Variants in MYO18B observed in about 807,000 individuals in gnomAD.
The protein encoded by MYO18B is myosin XVIIIB.
MYO18B carries 204 observed loss-of-function variants against 273.0 expected under a neutral mutation model. The observed-to-expected ratio is 0.75, with a 90% CI of 0.67 to 0.84. The LOEUF (loss-of-function observed/expected upper bound fraction) is 0.84, where lower values mean the gene tolerates loss of function less well. Ranked by LOEUF, MYO18B falls within the 40% of genes least tolerant of loss-of-function variation. The pLI is 0.00. For synonymous variants in MYO18B, 1,330 were observed against 1,305.7 expected, an observed-to-expected ratio of 1.02 and a Z score of -0.40; for missense variants, 3,212 against 3,287.6, an observed-to-expected ratio of 0.98 and a Z score of 0.56.
At chr22:25,954,140 C>T (rs2146640630) in intron 38 of MYO18B, among the ~76,000 whole-genome samples, 1 of 152,266 alleles carries the variant, frequency 6.6e-6, no homozygotes, top group South Asian at 2.1e-4. Context: ...TGGTTCCCGG[C>T]TTGTTGGCCA....
chr22:25,797,898 T>C, intron 11 of MYO18B, 55 bp from the exon 12 acceptor site: 2 of 1,612,606 alleles, frequency 1.2e-6, no homozygotes, highest in South Asian at 2.2e-5. Flanking sequence ...GTTGTGAGCT[T>C]GTGTTTTCTC....
downstream of MYO18B, among the ~76,000 whole-genome samples, chr22:26,032,634 G>C (rs1601881260): frequency 6.8e-6 from 1 of 146,870 alleles, no homozygotes; most frequent in South Asian, 2.2e-4. Context: ...CAATTCTCTT[G>C]CCTCAGCCTC....
At chr22:25,831,212 C>T (rs8137490) in intron 15 of MYO18B, among the ~76,000 whole-genome samples, 2,527 of 152,282 alleles carry the variant, frequency 0.017, 67 homozygotes, top group East Asian at 0.11. Flanking sequence ...ACATTATTCA[C>T]ATAACCTCCC....
intron 13 of MYO18B, among the ~76,000 whole-genome samples, chr22:25,824,899 A>T (rs1268958455): frequency 6.6e-6 from 1 of 152,082 alleles, no homozygotes; most frequent in Non-Finnish European, 1.5e-5. Context: ...GTATGCACAC[A>T]TGTGCACAGA....
At chr22:25,752,893 G>A (rs2085978135) in intron 1 of MYO18B, among the ~76,000 whole-genome samples, 1 of 152,182 alleles carries the variant, frequency 6.6e-6, no homozygotes, top group Non-Finnish European at 1.5e-5. Flanking sequence ...CTCCGTACTC[G>A]GAGCGGCCGG....
the MYO18B span, among the ~76,000 whole-genome samples, chr22:26,036,599 A>G: frequency 6.6e-6 from 1 of 152,190 alleles, no homozygotes; most frequent in African/African-American, 2.4e-5. Flanking sequence ...ATTCACTGGA[A>G]TGGCTTATTT....
intron 11 of MYO18B, among the ~76,000 whole-genome samples, chr22:25,787,893 G>C (rs1302123574): frequency 3.9e-5 from 6 of 152,080 alleles, no homozygotes; most frequent in African/African-American, 1.4e-4. Context: ...CATTTAATGA[G>C]CTTTGGCCCA....
intron 39 of MYO18B, among the ~76,000 whole-genome samples, chr22:25,985,756 A>C (rs961194872): frequency 6.6e-6 from 1 of 151,948 alleles, no homozygotes. Context: ...CAGTCTCCTG[A>C]GTAGCTGGGA....
At chr22:25,954,436 G>C (rs1402690372) in intron 38 of MYO18B, among the ~76,000 whole-genome samples, 2 of 145,468 alleles carry the variant, frequency 1.4e-5, no homozygotes, top group Admixed American at 6.7e-5. Context: ...AATAGGAGCT[G>C]CTAAAAAAAA....
At position 25,780,078 on chromosome 22, in the gene MYO18B, C is replaced by A; in HGVS notation, c.2091C>A (p.Phe697Leu). 6.3e-7 allele frequency: 1 copy of A among 1,595,932 alleles called. No homozygotes were observed. Among genetic ancestry groups the A allele is most frequent in the Non-Finnish European group, 8.5e-7 (1 of 1,172,624 alleles). ...RVSVEKIRAT[F>L]TVLRAFGSVS... ...CAGTGGAGAAGATCCGAGCCACCTTCACTGTCCTCCGGGCCTTCGGCTCTG... is the reference window on the plus strand; with the variant it reads ...CAGTGGAGAAGATCCGAGCCACCTTAACTGTCCTCCGGGCCTTCGGCTCTG... Residue 697 changes from phenylalanine to leucine, a missense_variant, in exon 9 of 44, where the codon TTC becomes TTA. Physicochemically the swap from Phe to Leu is conservative, Grantham distance 22. Transcript: ENST00000335473.
chr22:26,027,662 A>T lies in MYO18B; in HGVS notation c.7688A>T (p.Lys2563Ile). ...KDDDVASIMK[K>I]YLQK ...GACGATGTTGCGAGCATAATGAAGA[A>T]ATACCTCCAGAAGTAGGAACCAGTT... Residue 2563 changes from lysine to isoleucine, a missense_variant, in exon 43 of 44, where the codon AAA (lysine) becomes ATA (isoleucine). Lys to Ile is a moderately radical substitution (Grantham distance 102). Transcript: ENST00000335473. This position sits in a 1 kb window ranked among gnomAD's most constrained non-coding sequence, Gnocchi z 4.1. The T allele has an allele frequency of 6.2e-7, 1 of 1,612,044 alleles. No individual in the cohort carries two copies. The highest frequency in any genetic ancestry group is 8.5e-7 in the Non-Finnish European group (1 of 1,178,894).
intron 40 of MYO18B, among the ~76,000 whole-genome samples, chr22:25,995,782 C>T (rs147522283): frequency 4.0e-4 from 61 of 152,294 alleles, no homozygotes; most frequent in African/African-American, 1.5e-3. Context: ...GCTCCATGCC[C>T]TGGAATCCAA....
rs1265857394 is a variant in MYO18B, at chr22:25,955,285, G to A, written c.6077G>A (p.Arg2026Gln). ...QQRESSQYYQ[R>Q]RLEELKADME... is the part of the protein sequence containing the mutation. ...CGGGAGAGCAGCCAGTACTACCAGC[G>A]GCGCCTGGAAGAGCTGAAGGCCGAC... Residue 2026 changes from arginine (R) to glutamine (Q), a missense_variant, in exon 39 of 44, where the codon CGG (arginine) becomes CAG (glutamine). Transcript: ENST00000335473. 15 of 1,613,716 alleles carry A rather than the reference G, an allele frequency of 9.3e-6. No individual in the cohort carries two copies. The highest frequency in any genetic ancestry group is 1.2e-5 in the Non-Finnish European group (14 of 1,179,856).
rs184619073 is a variant in MYO18B, at chr22:25,837,275, A to G, written c.3208+1832A>G. On this transcript the variant is annotated intron_variant, in intron 17 of 43. Transcript: ENST00000335473. The stretch of plus-strand genomic sequence containing the variant: ...TTGGTAGAGAAGATGTCCAAGGACT[A>G]GGTTCTGGGACATTCCTATGTCAAG... 5.3e-4 allele frequency among the ~76,000 whole-genome samples: 81 copies of G among 152,286 alleles called. 1 individual carries two copies. Among genetic ancestry groups the G allele is most frequent in the Middle Eastern group, 3.4e-3 (1 of 294 alleles).
chr22:25,975,741 G>T (rs1019614607), intron 39 of MYO18B, among the ~76,000 whole-genome samples: 6 of 152,196 alleles, frequency 3.9e-5, no homozygotes, highest in Non-Finnish European at 8.8e-5. Context: ...TGCAGATTCT[G>T]ACTCAGCAGA....
intron 31 of MYO18B, among the ~76,000 whole-genome samples, chr22:25,907,052 A>G (rs1601540037): frequency 6.6e-6 from 1 of 152,374 alleles, no homozygotes; most frequent in East Asian, 1.9e-4. Context: ...GAGTATAGAC[A>G]GATAAAGGAA....
intron 20 of MYO18B, among the ~76,000 whole-genome samples, 178 bp from the exon 21 acceptor site, chr22:25,851,292 A>G (rs6004797): frequency 9.8e-5 from 15 of 152,312 alleles, no homozygotes; most frequent in African/African-American, 3.4e-4. Flanking sequence ...CCAATCAAAT[A>G]TAGTCTCTTA....
chr22:25,949,167 C>T (rs1384521692), intron 36 of MYO18B, among the ~76,000 whole-genome samples: 1 of 152,178 alleles, frequency 6.6e-6, no homozygotes, highest in Admixed American at 6.5e-5. Flanking sequence ...GAGGAGCAGC[C>T]AGCATGCCAC....
chr22:25,931,113 C>A (rs976970878), intron 34 of MYO18B, among the ~76,000 whole-genome samples: 2 of 152,176 alleles, frequency 1.3e-5, no homozygotes, highest in Admixed American at 1.3e-4. Flanking sequence ...AGGTGGCTTC[C>A]TGCGATGTTT....
Sources: gnomAD v4.1 joint callset for allele counts (sites outside exome capture counted in the v4.1 genomes callset) on GRCh38, gnomAD v4.1.1 for gene constraint, Gnocchi (gnomAD v3.1) non-coding constraint, MANE v1.5 for transcripts, NCBI Gene and HGNC (gene_info 2026-07-23, HGNC 2026-07-21) for gene names.